Variants in SLC9A9 observed in about 807,000 individuals in gnomAD.
SLC9A9 encodes the protein sodium/hydrogen exchanger 9.
Under a neutral mutation model 77.8 loss-of-function variants are expected in SLC9A9, and 62 were observed. That is an observed-to-expected ratio of 0.80 (90% CI 0.65 to 0.98). The LOEUF (loss-of-function observed/expected upper bound fraction) is 0.98, where lower values mean the gene tolerates loss of function less well. Ranked by LOEUF, SLC9A9 falls within the 50% of genes least tolerant of loss-of-function variation. The probability of loss-of-function intolerance (pLI) is 0.00; values close to 1 mark genes in which losing one functional copy is unlikely to be tolerated. For missense variants in SLC9A9, 775 were observed against 774.9 expected, an observed-to-expected ratio of 1.00 and a Z score of 0.00; for synonymous variants, 320 against 283.5, an observed-to-expected ratio of 1.13 and a Z score of -1.29.
At chr3:143,473,574 C>T (rs1249154397) in intron 11 of SLC9A9, among the ~76,000 whole-genome samples, 1 of 152,204 alleles carries the variant, frequency 6.6e-6, no homozygotes, top group East Asian at 1.9e-4. Flanking sequence ...TCCCTCATCC[C>T]ACTCCTATGA....
chr3:143,716,474 G>C (rs763114565), intron 4 of SLC9A9, among the ~76,000 whole-genome samples: 1 of 152,000 alleles, frequency 6.6e-6, no homozygotes, highest in Non-Finnish European at 1.5e-5. Flanking sequence ...GAAGAGATGA[G>C]TTAGAGTGTC....
intron 14 of SLC9A9, among the ~76,000 whole-genome samples, chr3:143,340,633 T>C (rs1463755246): frequency 1.3e-5 from 2 of 152,192 alleles, no homozygotes; most frequent in Non-Finnish European, 2.9e-5. Context: ...TCAAGATTTC[T>C]CTTGGAAAGG....
chr3:143,358,632 A>T (rs1685407566), intron 14 of SLC9A9, among the ~76,000 whole-genome samples: 1 of 152,210 alleles, frequency 6.6e-6, no homozygotes, highest in Admixed American at 6.5e-5. Context: ...TTAGTCACCT[A>T]TGAATAAGGC....
intron 8 of SLC9A9, among the ~76,000 whole-genome samples, chr3:143,566,248 A>C (rs2037165601): frequency 6.6e-6 from 1 of 152,062 alleles, no homozygotes; most frequent in African/African-American, 2.4e-5. Flanking sequence ...AATACATAGC[A>C]CCTGAGTTCC....
At chr3:143,294,359 C>G (rs536941740) in intron 14 of SLC9A9, among the ~76,000 whole-genome samples, 4 of 152,286 alleles carry the variant, frequency 2.6e-5, no homozygotes, top group African/African-American at 9.6e-5. Flanking sequence ...TTTCAACTGA[C>G]AGCAACACCT....
chr3:143,418,979 A>T, intron 12 of SLC9A9, among the ~76,000 whole-genome samples: 1 of 152,142 alleles, frequency 6.6e-6, no homozygotes, highest in Non-Finnish European at 1.5e-5. Flanking sequence ...AGGGAAATAT[A>T]CTAGAGTTCT....
At chr3:143,350,287 C>A (rs1161499228) in intron 14 of SLC9A9, among the ~76,000 whole-genome samples, 1 of 152,154 alleles carries the variant, frequency 6.6e-6, no homozygotes, top group Non-Finnish European at 1.5e-5. Flanking sequence ...CCTTTCTATT[C>A]CCATTGCAAC....
At position 143,743,284 on chromosome 3, in the gene SLC9A9, TAGATAGAC is replaced by T. The variant is rs1420579705; in HGVS notation, c.534-49985_534-49978del. On this transcript the variant is annotated intron_variant, in intron 4 of 15. Transcript: ENST00000316549. The stretch of plus-strand genomic sequence containing the variant: ...ATAGATAGATAGATAGATAGATAGA[TAGATAGAC>T]AGACAGATAGATAGATGATAGATAG... Among the ~76,000 whole-genome samples the T allele has an allele frequency of 9.2e-3, 1,101 of 119,462 alleles. 7 individuals are homozygous for T. The highest frequency in any genetic ancestry group is 0.011 in the Non-Finnish European group (595 of 52,744). The allele number at this position is 119,462 out of a possible 152,430, so 78.4% of individuals were successfully genotyped here.
intron 1 of SLC9A9, among the ~76,000 whole-genome samples, chr3:143,833,177 A>G (rs922268079): frequency 6.6e-6 from 1 of 152,220 alleles, no homozygotes; most frequent in African/African-American, 2.4e-5. Context: ...GTGTTTTGGG[A>G]TAAATGATCC....
At chr3:143,760,970 C>T (rs141362634) in intron 4 of SLC9A9, among the ~76,000 whole-genome samples, 1,554 of 152,276 alleles carry the variant, frequency 0.01, 16 homozygotes, top group African/African-American at 0.035. Flanking sequence ...ACCAAAACAG[C>T]ATGGTATTGG....
chr3:143,425,051 G>A (rs909336727), intron 12 of SLC9A9, among the ~76,000 whole-genome samples: 3 of 152,166 alleles, frequency 2.0e-5, no homozygotes, highest in African/African-American at 7.2e-5. Context: ...TCCCCTCAGG[G>A]CATTTGCCAG....
intron 4 of SLC9A9, among the ~76,000 whole-genome samples, chr3:143,746,576 T>TTCATC (rs1426839375): frequency 6.6e-6 from 1 of 152,082 alleles, no homozygotes; most frequent in African/African-American, 2.4e-5. Context: ...TGTTTTAGAG[T>TTCATC]TTAGTTGAAA....
chr3:143,519,463 T>C (rs528634538), intron 9 of SLC9A9, among the ~76,000 whole-genome samples: 1 of 151,958 alleles, frequency 6.6e-6, no homozygotes, highest in Non-Finnish European at 1.5e-5. Flanking sequence ...AGGAGATAAG[T>C]GTGGGAATCA....
At chr3:143,437,366 C>T (rs1425075615) in intron 12 of SLC9A9, among the ~76,000 whole-genome samples, 3 of 152,230 alleles carry the variant, frequency 2.0e-5, no homozygotes, top group African/African-American at 7.2e-5. Flanking sequence ...CCAGAACTGC[C>T]CTGGTCCTTG....
At chr3:143,274,630 C>G (rs73868705) in intron 14 of SLC9A9, among the ~76,000 whole-genome samples, 4,900 of 152,244 alleles carry the variant, frequency 0.032, 95 homozygotes, top group Middle Eastern at 0.061. Context: ...ACTGGCTTCA[C>G]CATGCCACTG....
intron 9 of SLC9A9, among the ~76,000 whole-genome samples, chr3:143,511,900 A>G (rs1445479568): frequency 6.6e-6 from 1 of 152,232 alleles, no homozygotes; most frequent in Non-Finnish European, 1.5e-5. Context: ...CCAAAGACAT[A>G]TCATTTCTTA....
chr3:143,688,729 A>G (rs1396116516), intron 5 of SLC9A9, among the ~76,000 whole-genome samples: 1 of 152,030 alleles, frequency 6.6e-6, no homozygotes, highest in East Asian at 1.9e-4. Flanking sequence ...AATCTACACC[A>G]TGGGTTCCAA....
At chr3:143,491,231 G>A (rs2108588779) in intron 11 of SLC9A9, among the ~76,000 whole-genome samples, 1 of 152,256 alleles carries the variant, frequency 6.6e-6, no homozygotes, top group South Asian at 2.1e-4. Flanking sequence ...TTTAATGATA[G>A]GAACTGGCTG....
intron 12 of SLC9A9, among the ~76,000 whole-genome samples, chr3:143,425,149 C>G (rs996801644): frequency 3.3e-5 from 5 of 151,762 alleles, no homozygotes; most frequent in African/African-American, 1.2e-4. Context: ...TCCAATTATT[C>G]AGGTAGAGGG....
Sources: allele counts gnomAD v4.1 joint callset (sites outside exome capture counted in the v4.1 genomes callset), GRCh38; gene constraint gnomAD v4.1.1; transcripts MANE v1.5; gene names NCBI Gene and HGNC (gene_info 2026-07-23, HGNC 2026-07-21).